The following LAMA1 variants were observed in gnomAD, a reference collection of about 807,000 sequenced individuals.
LAMA1 encodes laminin subunit alpha-1.
Under a neutral mutation model 348.7 loss-of-function variants are expected in LAMA1, and 219 were observed. The ratio of observed to expected loss-of-function variants is 0.63; its 90% CI spans 0.56 to 0.70. The LOEUF (loss-of-function observed/expected upper bound fraction) is 0.70, where lower values mean the gene tolerates loss of function less well. LAMA1 is among the 30% of genes least tolerant of loss of function. The probability of loss-of-function intolerance (pLI) is 0.00; values close to 1 mark genes in which losing one functional copy is unlikely to be tolerated. For missense variants in LAMA1, 3,744 were observed against 3,888.0 expected (o/e 0.96, Z 0.99); for synonymous variants, 1,487 against 1,491.0 (o/e 1.00, Z 0.06).
chr18:7,098,283 G>C (rs1179802159), intron 1 of LAMA1, among the ~76,000 whole-genome samples: 1 of 152,140 alleles, frequency 6.6e-6, no homozygotes, highest in African/African-American at 2.4e-5. Flanking sequence ...CGTCTGGGAA[G>C]TGAGGAGTGT....
chr18:6,971,833 T>C (rs577402801), intron 48 of LAMA1, 24 bp downstream of exon 48: 25 of 1,613,980 alleles, frequency 1.5e-5, no homozygotes, highest in South Asian at 1.4e-4. Flanking sequence ...ACATACTATG[T>C]GCTAAACCGT....
chr18:7,097,136 G>T (rs1443892028), intron 1 of LAMA1, among the ~76,000 whole-genome samples: 1 of 152,082 alleles, frequency 6.6e-6, no homozygotes, highest in Non-Finnish European at 1.5e-5. Context: ...GTCCCAGTAG[G>T]GTGCATGCAA....
intron 40 of LAMA1, among the ~76,000 whole-genome samples, chr18:6,982,867 G>A (rs573160569): frequency 1.3e-5 from 2 of 152,124 alleles, no homozygotes. Flanking sequence ...CATTTTTAGC[G>A]CAAGGAAATG....
In LAMA1 at chr18:6,956,628, G is replaced by T; in HGVS notation, c.8094+8C>A. 2.5e-6 allele frequency: 4 copies of T among 1,613,924 alleles called. No individual in the cohort carries two copies. In the South Asian group the frequency reaches 4.4e-5, roughly 18 times the overall value. ...GACCTGACTGATAGTAAAGGAAGCC[G>T]CTCCTACTGGAAAAGCCCGGGGCTC... On this transcript the variant is annotated splice_region_variant and intron_variant, in intron 56 of 62. Transcript: ENST00000389658.
At chr18:7,117,543 G>T in intron 1 of LAMA1, 117 bp downstream of exon 1, 1 of 1,084,554 alleles carries the variant, frequency 9.2e-7, no homozygotes, top group South Asian at 1.5e-5. Flanking sequence ...CCACTCCGAG[G>T]TGGATCAGGA....
In LAMA1 at chr18:7,087,319, G is replaced by A. The variant is rs149457173; in HGVS notation, c.62-6862C>T. Among the ~76,000 whole-genome samples, 458 of 152,262 alleles carry A rather than the reference G, an allele frequency of 3.0e-3. 2 individuals are homozygous for A. The highest frequency in any genetic ancestry group is 0.01 in the African/African-American group (435 of 41,560). On this transcript the variant is annotated intron_variant, in intron 1 of 62. Coordinates refer to ENST00000389658, the MANE Select transcript of LAMA1 (RefSeq NM_005559.4). The stretch of plus-strand genomic sequence containing the variant: ...ATCACTATCTTCCAGAATAGGAATG[G>A]GTGAATAAGGGGTGGAGCACTGGCA...
chr18:7,085,031 T>C (rs990604354), intron 1 of LAMA1, among the ~76,000 whole-genome samples: 1 of 151,864 alleles, frequency 6.6e-6, no homozygotes, highest in African/African-American at 2.4e-5. Context: ...TTTTTCCATT[T>C]TGGAAAAAAA....
At position 6,998,890 on chromosome 18, in the gene LAMA1, AG is replaced by A. The variant is rs1196653041; in HGVS notation, c.4663+554del. ...TCTACTAAAAATACAAAAATTAGCC[AG>A]GCAAGGTGGTGGACACCTGTGATCC... is the stretch of plus-strand genomic sequence containing the variant. On this transcript the variant is annotated intron_variant, in intron 32 of 62. Coordinates refer to ENST00000389658, the MANE Select transcript of LAMA1 (RefSeq NM_005559.4). Among the ~76,000 whole-genome samples the A allele has an allele frequency of 2.0e-5, 3 of 152,260 alleles. No homozygotes were observed. In the East Asian group the frequency reaches 5.8e-4, roughly 29 times the overall value.
chr18:6,965,210 A>G (rs1417419564), intron 50 of LAMA1, 78 bp downstream of exon 50: 1 of 1,578,580 alleles, frequency 6.3e-7, no homozygotes, highest in Non-Finnish European at 8.7e-7. Context: ...TACTGTGGAA[A>G]AAAAGAATGC....
intron 48 of LAMA1, among the ~76,000 whole-genome samples, chr18:6,968,654 T>C (rs1446712456): frequency 1.3e-5 from 2 of 152,202 alleles, no homozygotes; most frequent in South Asian, 2.1e-4. Flanking sequence ...TCTTTCCATA[T>C]TGATTTTGAT....
In LAMA1 at chr18:6,955,351, A is replaced by G. The variant is rs200657093; in HGVS notation, c.8207+2T>C. The stretch of plus-strand genomic sequence containing the variant: ...GCATAAGGATGTTAGAATGATACCT[A>G]CTTCTTTCTGACAGCCGACTGATTA... On this transcript the variant is annotated splice_donor_variant, in intron 57 of 62. Coordinates refer to ENST00000389658, the MANE Select transcript of LAMA1 (RefSeq NM_005559.4). LOFTEE classifies it high-confidence loss of function. The G allele has an allele frequency of 6.2e-7, 1 of 1,609,960 alleles. No homozygotes were observed. The highest frequency in any genetic ancestry group is 8.5e-7 in the Non-Finnish European group (1 of 1,176,628).
At chr18:7,051,064 T>G in intron 3 of LAMA1, 128 bp from the exon 4 acceptor site, 1 of 1,262,088 alleles carries the variant, frequency 7.9e-7, no homozygotes, top group East Asian at 2.5e-5. Flanking sequence ...GACAGTAGAA[T>G]GGTGGCTGCC....
intron 4 of LAMA1, among the ~76,000 whole-genome samples, chr18:7,050,024 C>A (rs552402730): frequency 6.6e-6 from 1 of 152,200 alleles, no homozygotes; most frequent in African/African-American, 2.4e-5. Flanking sequence ...AGCATCTGTC[C>A]CTGGGCTACA....
In LAMA1 at chr18:7,049,194, A is replaced by G. The variant is rs2058053501; in HGVS notation, c.652T>C (p.Phe218Leu). 6.2e-7 allele frequency: 1 copy of G among 1,614,060 alleles called. No individual in the cohort carries two copies. The highest frequency in any genetic ancestry group is 1.7e-5 in the Admixed American group (1 of 60,006). The change falls in exon 5 of 63, where the codon TTC becomes CTC. Residue 218 changes from phenylalanine to leucine, a missense_variant. Physicochemically the swap from Phe to Leu is conservative, Grantham distance 22. Transcript: ENST00000389658. ...AGGCGAATATATCGTGCAGAAGTGA[A>G]TTCCAACAACTTGGGTGAAAGATCG... ...ADDLSPKLLE[F>L]TSARYIRLRL... is the part of the protein sequence containing the mutation.
At chr18:6,982,118 A>T (rs2057714525) in intron 41 of LAMA1, among the ~76,000 whole-genome samples, 1 of 152,190 alleles carries the variant, frequency 6.6e-6, no homozygotes, top group Non-Finnish European at 1.5e-5. Context: ...GGTAAAAGAA[A>T]TATCAAGCAT....
chr18:7,052,533 C>A (rs1006213512), intron 3 of LAMA1, among the ~76,000 whole-genome samples: 2 of 151,836 alleles, frequency 1.3e-5, no homozygotes, highest in Non-Finnish European at 2.9e-5. Flanking sequence ...TCGAGACCAG[C>A]CTGACCAACA....
chr18:6,981,634 G>A (rs567188), intron 41 of LAMA1, among the ~76,000 whole-genome samples: 126,676 of 152,124 alleles, frequency 0.83, 53,092 homozygotes, highest in East Asian at 0.99. Context: ...ATACATTTTC[G>A]ATACTGTGAG....
intron 36 of LAMA1, among the ~76,000 whole-genome samples, chr18:6,990,347 G>A (rs940224512): frequency 1.3e-5 from 2 of 152,138 alleles, no homozygotes; most frequent in African/African-American, 4.8e-5. Context: ...GGGTAACGGT[G>A]GGAGGGGAGA....
chr18:7,042,083 G>A (rs913139911), intron 9 of LAMA1, 62 bp downstream of exon 9: 1 of 1,115,232 alleles, frequency 9.0e-7, no homozygotes, highest in South Asian at 1.3e-5. Flanking sequence ...GTTCCAGTAT[G>A]TGCAAATCTT....
Sources: allele counts gnomAD v4.1 joint callset (sites outside exome capture counted in the v4.1 genomes callset), GRCh38; gene constraint gnomAD v4.1.1; transcripts MANE v1.5; gene names NCBI Gene and HGNC (gene_info 2026-07-23, HGNC 2026-07-21).